Variants in GIMD1 observed in about 807,000 individuals in gnomAD.
The protein encoded by GIMD1 is GTPase IMAP family member GIMD1.
In GIMD1, 14 loss-of-function variants were observed where a neutral mutation model predicts 14.9. That is an observed-to-expected ratio of 0.94 (90% CI 0.62 to 1.47). The LOEUF (loss-of-function observed/expected upper bound fraction) is 1.47. Among genes scored for constraint, GIMD1 ranks in the 40% most tolerant of loss-of-function variants. The pLI, the probability that GIMD1 is intolerant of heterozygous loss-of-function variation, is 0.00. For synonymous variants in GIMD1, 91 were observed against 90.5 expected, an observed-to-expected ratio of 1.01 and a Z score of -0.03; for missense variants, 272 against 255.3, an observed-to-expected ratio of 1.07 and a Z score of -0.44.
intron 2 of GIMD1, among the ~76,000 whole-genome samples, chr4:106,363,894 G>C (rs573271891): frequency 7.4e-5 from 10 of 134,732 alleles, no homozygotes; most frequent in Admixed American, 6.1e-4. Flanking sequence ...GGGGGGGGGG[G>C]GGCGGAAATG....
At chr4:106,358,787 C>A (rs1259445276) in intron 2 of GIMD1, among the ~76,000 whole-genome samples, 2 of 151,850 alleles carry the variant, frequency 1.3e-5, no homozygotes, top group African/African-American at 4.8e-5. Context: ...TACCTGAGTC[C>A]ATTAAAGCCA....
intron 1 of GIMD1, among the ~76,000 whole-genome samples, chr4:106,367,847 C>T (rs1481007834): frequency 1.3e-5 from 2 of 151,676 alleles, no homozygotes; most frequent in Non-Finnish European, 2.9e-5. Context: ...AAGTTATTCA[C>T]TATTGGAGAA....
Position 106,367,061 on chromosome 4 carries a change from G to A in GIMD1, c.375C>T (p.Asp125=). ...GTATTACCTGGATCATCTGGACTGGGTCAGTTACTTCCTGCCCACAGAAAG... is the reference window on the plus strand; with the variant it reads ...GTATTACCTGGATCATCTGGACTGGATCAGTTACTTCCTGCCCACAGAAAG... ...DVPFCGQEVT[D]PVQMIQELLG... Residue 125 remains aspartate, a synonymous_variant, in exon 2 of 3, where the codon GAC becomes GAT. Coordinates refer to ENST00000638719, the MANE Select transcript of GIMD1 (RefSeq NM_001195138.2). The A allele has an allele frequency of 2.0e-6, 3 of 1,528,802 alleles. No homozygotes were observed. The highest frequency in any genetic ancestry group is 8.7e-7 in the Non-Finnish European group (1 of 1,143,088). 94.7% of individuals were successfully genotyped at this position (1,528,802 alleles called of 1,614,324 possible).
At chr4:106,368,075 T>G (rs1367567893) in intron 1 of GIMD1, among the ~76,000 whole-genome samples, 1 of 152,158 alleles carries the variant, frequency 6.6e-6, no homozygotes, top group Non-Finnish European at 1.5e-5. Context: ...CAGGGAACAT[T>G]GGTGAAAATA....
chr4:106,368,302 C>T (rs1770737938), intron 1 of GIMD1, among the ~76,000 whole-genome samples: 1 of 152,140 alleles, frequency 6.6e-6, no homozygotes, highest in South Asian at 2.1e-4. Context: ...ATTTTAAGGT[C>T]ATTAATCATT....
At position 106,368,703 on chromosome 4, in the gene GIMD1, C is replaced by T. The variant is rs58107016; in HGVS notation, c.-3+7G>A. ...CAATCCCAATCCATTTGCTATATTT[C>T]GCTTACCTTTTCCAGTCTTGAAAAT... On this transcript the variant is annotated splice_region_variant and intron_variant, in intron 1 of 2. Transcript: ENST00000638719. 4.8e-3 allele frequency: 1,928 copies of T among 398,410 alleles called. 21 individuals carry two copies. The highest frequency in any genetic ancestry group is 0.028 in the African/African-American group (1,384 of 48,718). 24.7% of individuals were successfully genotyped at this position (398,410 alleles called of 1,614,324 possible). A position where few individuals can be genotyped will look rare whatever the true frequency, so the allele number is the denominator to read the frequency against.
chr4:106,362,038 A>C (rs1359547054), intron 2 of GIMD1, among the ~76,000 whole-genome samples: 1 of 152,084 alleles, frequency 6.6e-6, no homozygotes, highest in Admixed American at 6.6e-5. Flanking sequence ...CCATACTTTA[A>C]ACCACAATCT....
chr4:106,367,426 G>A lies in GIMD1; in HGVS notation c.10C>T (p.Pro4Ser), dbSNP rs1386715292. 4 of 1,531,402 alleles carry A rather than the reference G, an allele frequency of 2.6e-6. No homozygotes were observed. In the East Asian group the frequency reaches 9.8e-5, roughly 38 times the overall value. The allele number at this position is 1,531,402 out of a possible 1,614,324, so 94.9% of individuals were successfully genotyped here. The change falls in exon 2 of 3, where the codon CCC becomes TCC. Residue 4 changes from proline to serine, a missense_variant. Coordinates refer to ENST00000638719, the MANE Select transcript of GIMD1 (RefSeq NM_001195138.2). ...GCCAAGTTGATGATCATCTTGTTGG[G>A]GTCTGTCATGGCTGTAGGAAAACAA... Reference protein sequence around the residue: MTDPNKMIINLALF... With the variant: MTDSNKMIINLALF...
intron 2 of GIMD1, among the ~76,000 whole-genome samples, chr4:106,360,590 T>G (rs1056610256): frequency 2.6e-5 from 4 of 152,014 alleles, no homozygotes; most frequent in Non-Finnish European, 4.4e-5. Context: ...ACTCATGTGT[T>G]GAAATTCCGA....
At chr4:106,366,691 G>A (rs967056486) in intron 2 of GIMD1, among the ~76,000 whole-genome samples, 4 of 152,112 alleles carry the variant, frequency 2.6e-5, no homozygotes. Context: ...TTCTGATGCA[G>A]ACAGTCCAGG....
chr4:106,363,882 ATG>A (rs1491319115), intron 2 of GIMD1, among the ~76,000 whole-genome samples: 1 of 63,678 alleles, frequency 1.6e-5, no homozygotes, highest in South Asian at 7.5e-4. Context: ...GAATACCATA[ATG>A]GGGGGGGGGG....
intron 2 of GIMD1, among the ~76,000 whole-genome samples, chr4:106,363,066 G>C (rs965847913): frequency 2.6e-5 from 4 of 151,834 alleles, no homozygotes; most frequent in Admixed American, 2.6e-4. Context: ...TAATAAAAAA[G>C]TTACTTCTTA....
intron 2 of GIMD1, among the ~76,000 whole-genome samples, chr4:106,359,655 C>T (rs1355632274): frequency 6.6e-6 from 1 of 150,394 alleles, no homozygotes; most frequent in African/African-American, 2.4e-5. Flanking sequence ...TTCAATGTAC[C>T]TAAAAAATAC....
At chr4:106,361,409 G>A (rs3018059) in intron 2 of GIMD1, among the ~76,000 whole-genome samples, 37,669 of 151,908 alleles carry the variant, frequency 0.25, 5,218 homozygotes, top group African/African-American at 0.37. Flanking sequence ...GACCAGACAA[G>A]ATGTCTTGCA....
rs1770713971 is a variant in GIMD1 at position 106,367,124 on chromosome 4, A to G, written c.312T>C (p.Gly104=). Residue 104 remains glycine (G), a synonymous_variant, in exon 2 of 3, where the codon GGT becomes GGC. Coordinates refer to ENST00000638719, the MANE Select transcript of GIMD1 (RefSeq NM_001195138.2). The stretch of plus-strand genomic sequence containing the variant: ...TCTGAACCAGGAGTGCAAGGTGGAG[A>G]CCCCCTTGCCCGAAGTGATGTGCCA... ...EALAHHFGQG[G]LHLALLVQRA... 1 of 1,532,924 alleles carries G rather than the reference A, an allele frequency of 6.5e-7. No individual in the cohort carries two copies. Among genetic ancestry groups the G allele is most frequent in the Admixed American group, 2.0e-5 (1 of 50,884 alleles). The allele number at this position is 1,532,924 out of a possible 1,614,324, so 95.0% of individuals were successfully genotyped here. A position where few individuals can be genotyped will look rare whatever the true frequency, so the allele number is the denominator to read the frequency against.
Position 106,358,346 on chromosome 4 carries a change from T to C in GIMD1, c.491A>G (p.His164Arg). Residue 164 changes from histidine to arginine, a missense_variant, in exon 3 of 3, where the codon CAT becomes CGT. Physicochemically the swap from His to Arg is conservative, Grantham distance 29 (BLOSUM62 0). Transcript: ENST00000638719. ...EAGLTEDKYL[H>R]EASDTLKTLL... ...CGTTTTCAGGGTATCAGAGGCCTCA[T>C]GTAAATATTTATCTTCAGTAAGCCC... 1.3e-6 allele frequency: 2 copies of C among 1,534,042 alleles called. No homozygotes were observed. The highest frequency in any genetic ancestry group is 1.7e-6 in the Non-Finnish European group (2 of 1,145,540).
At position 106,362,687 on chromosome 4, in the gene GIMD1, C is replaced by A. The variant is rs567868639; in HGVS notation, c.394-4244G>T. Among the ~76,000 whole-genome samples the A allele has an allele frequency of 2.5e-3, 384 of 152,138 alleles. 2 individuals carry two copies. The highest frequency in any genetic ancestry group is 8.7e-3 in the African/African-American group (362 of 41,516). On this transcript the variant is annotated intron_variant, in intron 2 of 2. Transcript: ENST00000638719. ...AACAAAAAGCCAACTATTACATCAA[C>A]TGAGAAAAAAATTATCACGGAACAG...
Position 106,367,036 on chromosome 4 carries a change from G to A in GIMD1, c.393+7C>T. ...ATGGCATTAGTGTAATTGCATCTTA[G>A]TATTACCTGGATCATCTGGACTGGG... On this transcript the variant is annotated splice_region_variant and intron_variant, in intron 2 of 2. Coordinates refer to ENST00000638719, the MANE Select transcript of GIMD1 (RefSeq NM_001195138.2). 1.3e-6 allele frequency: 2 copies of A among 1,495,826 alleles called. No individual in the cohort carries two copies. Among genetic ancestry groups the A allele is most frequent in the Non-Finnish European group, 8.9e-7 (1 of 1,123,600 alleles). The allele number at this position is 1,495,826 out of a possible 1,614,324, so 92.7% of individuals were successfully genotyped here. A position where few individuals can be genotyped will look rare whatever the true frequency, so the allele number is the denominator to read the frequency against.
intron 2 of GIMD1, among the ~76,000 whole-genome samples, chr4:106,363,727 A>T (rs1770649127): frequency 1.3e-5 from 2 of 152,094 alleles, no homozygotes; most frequent in African/African-American, 4.8e-5. Context: ...AACTAAGCCC[A>T]CAATCTTCAT....
Sources: allele counts gnomAD v4.1 joint callset (sites outside exome capture counted in the v4.1 genomes callset), GRCh38; gene constraint gnomAD v4.1.1; transcripts MANE v1.5; gene names NCBI Gene and HGNC (gene_info 2026-07-23, HGNC 2026-07-21).